Variants in TANC2 observed in about 807,000 individuals in gnomAD.
TANC2 encodes protein TANC2.
In TANC2, 26 loss-of-function variants were observed where a neutral mutation model predicts 210.5. The observed-to-expected ratio is 0.12, with a 90% CI of 0.09 to 0.17. TANC2 has a LOEUF of 0.17. Ranked by LOEUF, TANC2 falls within the 10% of genes least tolerant of loss-of-function variation. The probability of loss-of-function intolerance (pLI) is 1.00; values close to 1 mark genes in which losing one functional copy is unlikely to be tolerated. For synonymous variants in TANC2, 931 were observed against 967.1 expected (o/e 0.96, Z 0.69); for missense variants, 2,129 against 2,608.9 (o/e 0.82, Z 4.01).
At chr17:63,062,496 C>A (rs1304897916) in intron 2 of TANC2, among the ~76,000 whole-genome samples, 1 of 152,182 alleles carries the variant, frequency 6.6e-6, no homozygotes, top group Non-Finnish European at 1.5e-5. Context: ...TCTGAACTTT[C>A]TACTGCAGGC....
chr17:63,248,209 T>C (rs2042967287), intron 8 of TANC2, among the ~76,000 whole-genome samples: 1 of 152,108 alleles, frequency 6.6e-6, no homozygotes, highest in African/African-American at 2.4e-5. Context: ...TCCTTTCCTT[T>C]CTAATGGGTA....
At chr17:63,194,366 C>G (rs1378490417) in intron 6 of TANC2, among the ~76,000 whole-genome samples, 4 of 152,140 alleles carry the variant, frequency 2.6e-5, no homozygotes, top group African/African-American at 9.7e-5. Context: ...ACGAGCAAGC[C>G]AACAAATAAA....
chr17:63,098,431 TACACAC>T (rs67245738), intron 3 of TANC2, among the ~76,000 whole-genome samples: 3,073 of 93,208 alleles, frequency 0.033, 64 homozygotes, highest in South Asian at 0.046. Flanking sequence ...GGCCTTAGAC[TACACAC>T]ACACACACAC....
intron 24 of TANC2, chr17:63,413,238 C>G: frequency 3.6e-6 from 1 of 278,592 alleles, no homozygotes; most frequent in Non-Finnish European, 6.6e-6. Context: ...CCTCCCAATT[C>G]CTTATTTAAA....
intron 11 of TANC2, among the ~76,000 whole-genome samples, chr17:63,330,541 C>T (rs2045803716): frequency 6.6e-6 from 1 of 152,108 alleles, no homozygotes; most frequent in African/African-American, 2.4e-5. Flanking sequence ...ATTTAAAATA[C>T]AAGTCATCTT....
chr17:63,168,943 G>A (rs2040305513), intron 5 of TANC2, among the ~76,000 whole-genome samples: 1 of 152,174 alleles, frequency 6.6e-6, no homozygotes, highest in Non-Finnish European at 1.5e-5. Context: ...GCTACTGTTT[G>A]GAATATCATT....
chr17:63,306,802 A>G (rs2044924775), intron 9 of TANC2, among the ~76,000 whole-genome samples: 1 of 152,160 alleles, frequency 6.6e-6, no homozygotes, highest in African/African-American at 2.4e-5. Context: ...AAGTTTTTTA[A>G]AAATAGTCAC....
intron 4 of TANC2, among the ~76,000 whole-genome samples, chr17:63,105,272 T>G (rs1435950941): frequency 1.3e-5 from 2 of 151,712 alleles, no homozygotes; most frequent in Non-Finnish European, 2.9e-5. Flanking sequence ...CAATCCAATT[T>G]GGATGGTAAA....
chr17:63,292,102 C>G (rs2044399487), intron 9 of TANC2, among the ~76,000 whole-genome samples: 1 of 152,122 alleles, frequency 6.6e-6, no homozygotes. Context: ...GATATCCAAG[C>G]AGATAACTCT....
chr17:63,136,897 C>T (rs573864752), intron 4 of TANC2, among the ~76,000 whole-genome samples: 12 of 152,106 alleles, frequency 7.9e-5, no homozygotes, highest in East Asian at 5.8e-4. Flanking sequence ...GAGATTGAGG[C>T]GGCAAGGGCA....
At chr17:63,329,187 A>AT (rs573829568) in intron 11 of TANC2, among the ~76,000 whole-genome samples, 1 of 151,946 alleles carries the variant, frequency 6.6e-6, no homozygotes, top group South Asian at 2.1e-4. Context: ...TAGATTTATT[A>AT]TTTTTTTAAT....
At chr17:63,056,537 G>T (rs1025534424) in intron 2 of TANC2, among the ~76,000 whole-genome samples, 1 of 152,054 alleles carries the variant, frequency 6.6e-6, no homozygotes, top group Non-Finnish European at 1.5e-5. Context: ...TAATTAGCTA[G>T]ACAAGGTAGT....
At chr17:63,057,948 C>G (rs1323764922) in intron 2 of TANC2, among the ~76,000 whole-genome samples, 1 of 151,850 alleles carries the variant, frequency 6.6e-6, no homozygotes, top group Non-Finnish European at 1.5e-5. Context: ...GGGTATATAC[C>G]CAGTAGTGGA....
intron 9 of TANC2, among the ~76,000 whole-genome samples, chr17:63,282,801 C>T (rs747249895): frequency 3.3e-5 from 5 of 151,882 alleles, no homozygotes; most frequent in African/African-American, 1.2e-4. Context: ...TCTTCCTGTG[C>T]GCCTATTTGC....
intron 2 of TANC2, among the ~76,000 whole-genome samples, chr17:63,018,535 G>A (rs943772450): frequency 2.6e-5 from 4 of 151,380 alleles, no homozygotes; most frequent in Non-Finnish European, 5.9e-5. Flanking sequence ...ACAAAAAAAG[G>A]AATAATATAG....
chr17:63,415,747 C>T (rs2048839672), intron 26 of TANC2, 73 bp downstream of exon 26: 11 of 1,545,324 alleles, frequency 7.1e-6, no homozygotes, highest in Non-Finnish European at 9.6e-6. Flanking sequence ...CTAGCTTTTA[C>T]CAGGCCCCTG....
intron 1 of TANC2, among the ~76,000 whole-genome samples, chr17:62,980,544 G>A (rs2032247697): frequency 1.3e-5 from 2 of 152,076 alleles, no homozygotes; most frequent in South Asian, 4.1e-4. Context: ...AGCATTTTGG[G>A]TAAAGAATAC....
chr17:63,183,098 A>G (rs1224039733), intron 5 of TANC2, among the ~76,000 whole-genome samples: 1 of 152,152 alleles, frequency 6.6e-6, no homozygotes, highest in African/African-American at 2.4e-5. Context: ...AAAATAGTAA[A>G]TCTCTGTATG....
intron 4 of TANC2, chr17:63,116,949 T>G (rs750328499): frequency 2.0e-5 from 3 of 152,220 alleles, no homozygotes; most frequent in Non-Finnish European, 4.4e-5. Context: ...TTTTACAGCG[T>G]ATATTCACAC....
Sources: allele counts gnomAD v4.1 joint callset (sites outside exome capture counted in the v4.1 genomes callset), GRCh38; gene constraint gnomAD v4.1.1; transcripts MANE v1.5; gene names NCBI Gene and HGNC (gene_info 2026-07-23, HGNC 2026-07-21).